Variants in FAM229B observed in about 807,000 individuals in gnomAD.
FAM229B encodes protein FAM229B.
In FAM229B, 2 loss-of-function variants were observed where a neutral mutation model predicts 6.7. The ratio of observed to expected loss-of-function variants is 0.30; its 90% CI spans 0.12 to 0.94. The LOEUF is 0.94. FAM229B is among the 40% of genes least tolerant of loss of function. The pLI is 0.54. For synonymous variants in FAM229B, 29 were observed against 34.0 expected (o/e 0.85, Z 0.51); for missense variants, 93 against 96.2 (o/e 0.97, Z 0.14).
At chr6:112,095,281 T>C (rs587601285) in intron 1 of FAM229B, among the ~76,000 whole-genome samples, 31 of 152,266 alleles carry the variant, frequency 2.0e-4, no homozygotes, top group African/African-American at 6.3e-4. Flanking sequence ...ATTAATACCA[T>C]TTTACAGACA....
chr6:112,099,311 A>G lies in FAM229B; in HGVS notation c.28A>G (p.Arg10Gly). MPFQFGTQP[R>G]RFPVEGGDSS... ...GCCTTTTCAATTTGGAACCCAGCCA[A>G]GGAGGTTTCCAGTGGAAGGAGGAGA... is the stretch of plus-strand genomic sequence containing the variant. Residue 10 changes from arginine to glycine, a missense_variant, in exon 3 of 4, where the codon AGG (arginine) becomes GGG (glycine). Arg to Gly is a moderately radical substitution (Grantham distance 125). Transcript: ENST00000368656. 6.2e-7 allele frequency: 1 copy of G among 1,613,834 alleles called. No homozygotes were observed. The highest frequency in any genetic ancestry group is 1.6e-4 in the Middle Eastern group (1 of 6,062).
Position 112,099,277 on chromosome 6 carries a change from G to A in FAM229B, c.-7G>A. On this transcript the variant is annotated 5_prime_UTR_variant, in exon 3 of 4. In the 5' UTR this introduces an upstream ATG that the reference lacks. Transcript: ENST00000368656. ...TTTAACTTTCCGATCTAGGTTTTCA[G>A]TGAAGTATGCCTTTTCAATTTGGAA... 1.2e-6 allele frequency: 2 copies of A among 1,607,608 alleles called. No individual in the cohort carries two copies. The highest frequency in any genetic ancestry group is 8.5e-7 in the Non-Finnish European group (1 of 1,177,818).
chr6:112,094,629 GT>G (rs1295338951), intron 1 of FAM229B, among the ~76,000 whole-genome samples: 1 of 152,140 alleles, frequency 6.6e-6, no homozygotes, highest in African/African-American at 2.4e-5. Context: ...AACTGTGTTT[GT>G]TTTTGCTTAA....
intron 1 of FAM229B, among the ~76,000 whole-genome samples, chr6:112,093,676 A>C (rs1174257403): frequency 2.6e-5 from 4 of 152,150 alleles, no homozygotes; most frequent in Non-Finnish European, 5.9e-5. Flanking sequence ...TCTGACAAAA[A>C]TGGAACCTAA....
intron 2 of FAM229B, among the ~76,000 whole-genome samples, chr6:112,098,250 C>T (rs1777352087): frequency 6.6e-6 from 1 of 152,128 alleles, no homozygotes; most frequent in Admixed American, 6.5e-5. Flanking sequence ...TAAATTCAGA[C>T]TTAATGGATT....
chr6:112,099,439 A>G, intron 3 of FAM229B, 31 bp downstream of exon 3: 1 of 1,592,808 alleles, frequency 6.3e-7, no homozygotes, highest in South Asian at 1.1e-5. Context: ...AAGTGAGGAG[A>G]TATGTATTGG....
rs202224349 is a variant in FAM229B at position 112,099,258 on chromosome 6, T to C, written c.-14-12T>C. 4 of 1,602,168 alleles carry C rather than the reference T, an allele frequency of 2.5e-6. No individual in the cohort carries two copies. The highest frequency in any genetic ancestry group is 3.4e-6 in the Non-Finnish European group (4 of 1,175,208). Reference sequence around the variant, plus strand: ...TAATCTAGGTTTTCAATATTTTAACTTTCCGATCTAGGTTTTCAGTGAAGT... The same window carrying C: ...TAATCTAGGTTTTCAATATTTTAACCTTCCGATCTAGGTTTTCAGTGAAGT... On this transcript the variant is annotated splice_polypyrimidine_tract_variant and intron_variant, in intron 2 of 3. Coordinates refer to ENST00000368656, the MANE Select transcript of FAM229B (RefSeq NM_001033564.3).
At chr6:112,097,761 C>G (rs1777346296) in intron 2 of FAM229B, among the ~76,000 whole-genome samples, 1 of 151,790 alleles carries the variant, frequency 6.6e-6, no homozygotes, top group Non-Finnish European at 1.5e-5. Context: ...ACATTGTGTA[C>G]TAATAGTTGA....
chr6:112,096,136 A>C (rs1554318626), intron 1 of FAM229B, among the ~76,000 whole-genome samples: 1 of 152,206 alleles, frequency 6.6e-6, no homozygotes. Context: ...AGTAGAGGAG[A>C]AGTTCATGAG....
chr6:112,100,887 T>C lies in FAM229B; in HGVS notation c.*100T>C. On this transcript the variant is annotated 3_prime_UTR_variant, in exon 4 of 4. Coordinates refer to ENST00000368656, the MANE Select transcript of FAM229B (RefSeq NM_001033564.3). ...AAATAAAAGTGGTGGCACCTTTAGA[T>C]GATGACAACAGTTGAGCTCTTTACT... The C allele has an allele frequency of 2.3e-6, 2 of 858,536 alleles. No individual in the cohort carries two copies. Among genetic ancestry groups the C allele is most frequent in the South Asian group, 3.0e-5 (2 of 66,278 alleles). 53.2% of individuals were successfully genotyped at this position (858,536 alleles called of 1,614,324 possible). A position where few individuals can be genotyped will look rare whatever the true frequency, so the allele number is the denominator to read the frequency against.
At chr6:112,087,840 C>A (rs774222481) in intron 1 of FAM229B, 120 bp downstream of exon 1, 6 of 211,518 alleles carry the variant, frequency 2.8e-5, no homozygotes, top group Non-Finnish European at 4.7e-5. Context: ...TCCGTTTATT[C>A]AGATTCCACG....
rs1777367264 is a variant in FAM229B at position 112,099,411 on chromosome 6, A to G, written c.125+3A>G. The G allele has an allele frequency of 6.2e-7, 1 of 1,612,852 alleles. No homozygotes were observed. The highest frequency in any genetic ancestry group is 1.3e-5 in the African/African-American group (1 of 74,974). On this transcript the variant is annotated splice_donor_region_variant and intron_variant, in intron 3 of 3. Coordinates refer to ENST00000368656, the MANE Select transcript of FAM229B (RefSeq NM_001033564.3). ...GGGAAGGAGATGTCACCAACCAGGT[A>G]AAGTCTTCTGTCCTCACAAGTGAGG... is the stretch of plus-strand genomic sequence containing the variant.
intron 1 of FAM229B, among the ~76,000 whole-genome samples, chr6:112,088,383 T>G (rs1777208636): frequency 6.6e-6 from 1 of 152,236 alleles, no homozygotes; most frequent in Admixed American, 6.5e-5. Context: ...TAGACCAGAT[T>G]TTAATTAAGA....
At chr6:112,100,439 A>G (rs1215700492) in intron 3 of FAM229B, among the ~76,000 whole-genome samples, 2 of 152,170 alleles carry the variant, frequency 1.3e-5, no homozygotes, top group African/African-American at 2.4e-5. Flanking sequence ...ATTATCTTTG[A>G]ATATATGAAT....
chr6:112,088,694 T>C (rs1368136933), intron 1 of FAM229B, among the ~76,000 whole-genome samples: 1 of 152,232 alleles, frequency 6.6e-6, no homozygotes, highest in Non-Finnish European at 1.5e-5. Flanking sequence ...TCTTAACTTC[T>C]TACTGAGTAT....
At chr6:112,092,903 A>G (rs1777276331) in intron 1 of FAM229B, among the ~76,000 whole-genome samples, 1 of 152,046 alleles carries the variant, frequency 6.6e-6, no homozygotes, top group African/African-American at 2.4e-5. Flanking sequence ...GTGTATAGTA[A>G]TAAACCAATA....
chr6:112,089,591 A>G (rs1485726976), intron 1 of FAM229B, among the ~76,000 whole-genome samples: 2 of 152,184 alleles, frequency 1.3e-5, no homozygotes, highest in Non-Finnish European at 2.9e-5. Flanking sequence ...AAATGAAATA[A>G]AATGGAGATA....
intron 2 of FAM229B, among the ~76,000 whole-genome samples, chr6:112,098,262 C>T (rs2114509460): frequency 6.6e-6 from 1 of 152,204 alleles, no homozygotes; most frequent in East Asian, 1.9e-4. Flanking sequence ...TAATGGATTG[C>T]ATTGGCCATA....
intron 1 of FAM229B, among the ~76,000 whole-genome samples, chr6:112,093,114 A>G (rs1777278970): frequency 6.6e-6 from 1 of 151,958 alleles, no homozygotes; most frequent in Non-Finnish European, 1.5e-5. Context: ...CACAGTGGGT[A>G]AAATAAGCAA....
Sources: gnomAD v4.1 joint callset for allele counts (sites outside exome capture counted in the v4.1 genomes callset) on GRCh38, gnomAD v4.1.1 for gene constraint, MANE v1.5 for transcripts, NCBI Gene and HGNC (gene_info 2026-07-23, HGNC 2026-07-21) for gene names.